Variants in PCDH9 observed in about 807,000 individuals in gnomAD.
PCDH9 encodes protocadherin-9.
In PCDH9, 24 loss-of-function variants were observed where a neutral mutation model predicts 70.6. The ratio of observed to expected loss-of-function variants is 0.34; its 90% CI spans 0.25 to 0.48. PCDH9 has a LOEUF of 0.48. PCDH9 is among the 20% of genes least tolerant of loss of function. The pLI is 0.99. For synonymous variants in PCDH9, 562 were observed against 558.5 expected, an observed-to-expected ratio of 1.01 and a Z score of -0.09; for missense variants, 1,281 against 1,503.6, an observed-to-expected ratio of 0.85 and a Z score of 2.45.
intron 3 of PCDH9, among the ~76,000 whole-genome samples, chr13:66,715,595 C>T (rs2078857532): frequency 6.6e-6 from 1 of 152,150 alleles, no homozygotes; most frequent in South Asian, 2.1e-4. Context: ...GGTTATAGTA[C>T]AGATGATACA....
At chr13:66,920,751 T>C (rs1016067172) in intron 2 of PCDH9, among the ~76,000 whole-genome samples, 1 of 151,240 alleles carries the variant, frequency 6.6e-6, no homozygotes, top group Admixed American at 6.6e-5. Context: ...AAATCAATTA[T>C]ATCGTGTGAA....
intron 3 of PCDH9, among the ~76,000 whole-genome samples, chr13:66,703,149 A>G (rs1406222417): frequency 6.6e-6 from 1 of 152,196 alleles, no homozygotes; most frequent in Non-Finnish European, 1.5e-5. Flanking sequence ...AGCAGCATAC[A>G]TTACCCACAA....
At chr13:66,801,996 CTGTTTGTT>C (rs71207605) in intron 3 of PCDH9, among the ~76,000 whole-genome samples, 74,927 of 149,592 alleles carry the variant, frequency 0.5, 20,098 homozygotes, top group East Asian at 0.65. Flanking sequence ...AGGTGTTTTT[CTGTTTGTT>C]TGTTTGTTTG....
intron 3 of PCDH9, among the ~76,000 whole-genome samples, chr13:66,647,232 T>G (rs1376658414): frequency 6.6e-6 from 1 of 152,096 alleles, no homozygotes; most frequent in Non-Finnish European, 1.5e-5. Context: ...AGGAAATGCT[T>G]GCACTATCCT....
intron 3 of PCDH9, among the ~76,000 whole-genome samples, chr13:66,762,759 T>C (rs1291751246): frequency 6.6e-6 from 1 of 152,004 alleles, no homozygotes; most frequent in African/African-American, 2.4e-5. Flanking sequence ...AGGTTGTATA[T>C]ATTGAAATGT....
intron 3 of PCDH9, among the ~76,000 whole-genome samples, chr13:66,720,793 A>G (rs1735673592): frequency 6.6e-6 from 1 of 152,170 alleles, no homozygotes; most frequent in Non-Finnish European, 1.5e-5. Flanking sequence ...CTGCCACACA[A>G]TAAATCCCAA....
chr13:66,730,075 T>C (rs1044740354), intron 3 of PCDH9, among the ~76,000 whole-genome samples: 10 of 152,202 alleles, frequency 6.6e-5, no homozygotes, highest in Non-Finnish European at 1.3e-4. Context: ...AGTGGGCCTA[T>C]AGCCCCATTA....
chr13:66,979,482 G>C (rs2139766240), intron 2 of PCDH9, among the ~76,000 whole-genome samples: 1 of 152,128 alleles, frequency 6.6e-6, no homozygotes, highest in African/African-American at 2.4e-5. Context: ...CTGTGATCTA[G>C]AGCCCATTCC....
intron 2 of PCDH9, among the ~76,000 whole-genome samples, chr13:67,011,306 A>G (rs1250144655): frequency 6.6e-6 from 1 of 151,926 alleles, no homozygotes; most frequent in South Asian, 2.1e-4. Context: ...CTAACAGAAC[A>G]AAAACATTAT....
At chr13:67,071,953 T>C (rs531350235) in intron 2 of PCDH9, among the ~76,000 whole-genome samples, 1 of 148,834 alleles carries the variant, frequency 6.7e-6, no homozygotes. Flanking sequence ...TGTTACCTTA[T>C]AAATCTCAGA....
At chr13:66,816,051 C>A (rs141181008) in intron 3 of PCDH9, among the ~76,000 whole-genome samples, 25 of 152,310 alleles carry the variant, frequency 1.6e-4, no homozygotes, top group Admixed American at 2.6e-4. Context: ...AATGCAGTTA[C>A]TTTCCATGAC....
chr13:67,192,061 TG>T (rs1456582859), intron 2 of PCDH9, among the ~76,000 whole-genome samples: 1 of 151,976 alleles, frequency 6.6e-6, no homozygotes, highest in Non-Finnish European at 1.5e-5. Context: ...TTTTAAAAAT[TG>T]GGGTAAATCA....
intron 3 of PCDH9, among the ~76,000 whole-genome samples, chr13:66,667,538 T>C (rs780189351): frequency 6.6e-6 from 1 of 152,136 alleles, no homozygotes; most frequent in South Asian, 2.1e-4. Flanking sequence ...ATGGACCTAG[T>C]GGAGCTGATG....
chr13:66,581,878 T>A (rs1023436059), intron 4 of PCDH9, among the ~76,000 whole-genome samples: 3 of 152,148 alleles, frequency 2.0e-5, no homozygotes, highest in African/African-American at 7.2e-5. Flanking sequence ...CCTATTTAGA[T>A]CTTGAAAAAT....
At chr13:66,447,176 C>T (rs764678986) in intron 4 of PCDH9, among the ~76,000 whole-genome samples, 24 of 151,722 alleles carry the variant, frequency 1.6e-4, no homozygotes, top group African/African-American at 2.7e-4. Flanking sequence ...TTTCTGAGCC[C>T]GATAAAAAAT....
At chr13:67,024,056 A>G (rs1000643672) in intron 2 of PCDH9, among the ~76,000 whole-genome samples, 3 of 152,130 alleles carry the variant, frequency 2.0e-5, no homozygotes, top group African/African-American at 7.2e-5. Context: ...TTTGTGCCTC[A>G]GCACTTCAGA....
At chr13:66,751,461 T>C (rs1414490246) in intron 3 of PCDH9, among the ~76,000 whole-genome samples, 2 of 152,180 alleles carry the variant, frequency 1.3e-5, no homozygotes, top group African/African-American at 2.4e-5. Context: ...CCTCCTACTA[T>C]GAAAATCTCT....
intron 3 of PCDH9, among the ~76,000 whole-genome samples, chr13:66,766,590 A>C (rs2079721633): frequency 6.6e-6 from 1 of 151,928 alleles, no homozygotes; most frequent in Admixed American, 6.6e-5. Context: ...GAGAAGAATA[A>C]GAATAAGGAG....
chr13:66,569,549 T>C (rs988147909), intron 4 of PCDH9, among the ~76,000 whole-genome samples: 2 of 152,300 alleles, frequency 1.3e-5, no homozygotes, highest in South Asian at 2.1e-4. Context: ...AATCACATTA[T>C]ATGCTGTTTT....
Sources: allele counts gnomAD v4.1 joint callset (sites outside exome capture counted in the v4.1 genomes callset), GRCh38; gene constraint gnomAD v4.1.1; transcripts MANE v1.5; gene names NCBI Gene and HGNC (gene_info 2026-07-23, HGNC 2026-07-21).